Variants in DAB1 observed in about 807,000 individuals in gnomAD.
DAB1 encodes DAB adaptor protein 1.
In DAB1, 15 loss-of-function variants were observed where a neutral mutation model predicts 64.6. That is an observed-to-expected ratio of 0.23 (90% CI 0.16 to 0.36). DAB1 has a LOEUF of 0.36. Among genes scored for constraint, DAB1 ranks in the 10% least tolerant of loss-of-function variants. The pLI, the probability that DAB1 is intolerant of heterozygous loss-of-function variation, is 1.00. For synonymous variants in DAB1, 235 were observed against 251.9 expected (o/e 0.93, Z 0.64); for missense variants, 596 against 706.7 (o/e 0.84, Z 1.78).
At chr1:57,670,801 AT>A in intron 6 of DAB1, among the ~76,000 whole-genome samples, 1 of 152,128 alleles carries the variant, frequency 6.6e-6, no homozygotes, top group Admixed American at 6.6e-5. Context: ...GGGAGAAGAC[AT>A]TTCCAAACAC....
intron 7 of DAB1, among the ~76,000 whole-genome samples, chr1:57,436,255 GT>G (rs1685692222): frequency 6.6e-6 from 1 of 152,102 alleles, no homozygotes; most frequent in African/African-American, 2.4e-5. Context: ...AGCTCAGTAA[GT>G]TTGTTTACAC....
chr1:57,604,288 A>C (rs1202064671), intron 7 of DAB1, among the ~76,000 whole-genome samples: 1 of 152,200 alleles, frequency 6.6e-6, no homozygotes, highest in African/African-American at 2.4e-5. Flanking sequence ...AACCGAAAAT[A>C]AGTTATCTGT....
At chr1:58,076,892 G>C (rs1056709658) in intron 5 of DAB1, among the ~76,000 whole-genome samples, 2 of 152,164 alleles carry the variant, frequency 1.3e-5, no homozygotes, top group Non-Finnish European at 2.9e-5. Flanking sequence ...GATGTTCATG[G>C]AATGAAGCTG....
chr1:57,960,578 T>C (rs1172238406), intron 5 of DAB1, among the ~76,000 whole-genome samples: 1 of 152,156 alleles, frequency 6.6e-6, no homozygotes, highest in East Asian at 1.9e-4. Context: ...ACGTTAATAC[T>C]ATTTTTATTC....
At chr1:57,426,316 G>C (rs74669038), upstream of DAB1, among the ~76,000 whole-genome samples, 66 of 152,202 alleles carry the variant, frequency 4.3e-4, no homozygotes, top group South Asian at 1.2e-3. Flanking sequence ...ACGGAAACTG[G>C]GCAAATTTCC....
chr1:57,404,543 A>G (rs17459384), intron 1 of DAB1, among the ~76,000 whole-genome samples: 33,313 of 152,154 alleles, frequency 0.22, 4,606 homozygotes, highest in Non-Finnish European at 0.32. Flanking sequence ...AAAAATATGA[A>G]AAGCAATTGC....
chr1:57,654,285 A>G (rs1484781957), intron 6 of DAB1, among the ~76,000 whole-genome samples: 3 of 152,164 alleles, frequency 2.0e-5, no homozygotes, highest in African/African-American at 4.8e-5. Flanking sequence ...CCATGGAAAA[A>G]CTGGAAGCAG....
At chr1:58,386,153 C>T (rs911228370) in intron 3 of DAB1, among the ~76,000 whole-genome samples, 1 of 152,186 alleles carries the variant, frequency 6.6e-6, no homozygotes. Context: ...AAAGGTGTTG[C>T]TCTAATATCC....
chr1:57,204,441 G>C (rs1314161310), intron 2 of DAB1, among the ~76,000 whole-genome samples: 1 of 131,924 alleles, frequency 7.6e-6, no homozygotes, highest in Admixed American at 8.3e-5. Flanking sequence ...TAAAAACACT[G>C]GTCTAGATTT....
intron 6 of DAB1, among the ~76,000 whole-genome samples, chr1:57,683,673 C>T (rs767461180): frequency 2.0e-5 from 3 of 152,110 alleles, no homozygotes; most frequent in Non-Finnish European, 4.4e-5. Context: ...CAGCGCTCTA[C>T]CAAGATGAAA....
chr1:57,570,070 G>A (rs1223115307), intron 7 of DAB1, among the ~76,000 whole-genome samples: 1 of 152,126 alleles, frequency 6.6e-6, no homozygotes, highest in Non-Finnish European at 1.5e-5. Context: ...TATTTATCCT[G>A]GGTGTATCTG....
At chr1:58,066,556 C>A (rs80244421) in intron 5 of DAB1, among the ~76,000 whole-genome samples, 1 of 152,076 alleles carries the variant, frequency 6.6e-6, no homozygotes, top group South Asian at 2.1e-4. Flanking sequence ...CACAACCATA[C>A]GAAGTAGGTG....
At chr1:57,759,724 T>A (rs112259966) in intron 6 of DAB1, among the ~76,000 whole-genome samples, 2,087 of 152,234 alleles carry the variant, frequency 0.014, 64 homozygotes, top group African/African-American at 0.048. Context: ...GGGAATAGAC[T>A]AGGCAGAGGT....
intron 7 of DAB1, among the ~76,000 whole-genome samples, chr1:57,436,756 C>T (rs1030642937): frequency 3.3e-5 from 5 of 151,908 alleles, no homozygotes; most frequent in Admixed American, 6.6e-5. Context: ...AGGCTGGGTG[C>T]GGTGGCTCAC....
At chr1:58,134,516 G>C (rs1267746044) in intron 5 of DAB1, among the ~76,000 whole-genome samples, 4 of 147,990 alleles carry the variant, frequency 2.7e-5, no homozygotes, top group African/African-American at 9.9e-5. Flanking sequence ...TAATTTATTT[G>C]AAAAAAAAAA....
At chr1:57,193,874 G>A (rs1664388337) in intron 2 of DAB1, among the ~76,000 whole-genome samples, 1 of 152,222 alleles carries the variant, frequency 6.6e-6, no homozygotes, top group African/African-American at 2.4e-5. Context: ...GCAGTTATTA[G>A]TGATATGGCC....
chr1:58,017,356 AG>A (rs144417679), intron 5 of DAB1, among the ~76,000 whole-genome samples: 2,579 of 152,268 alleles, frequency 0.017, 45 homozygotes, highest in African/African-American at 0.04. Context: ...ACCTGTGCCC[AG>A]GCAGGGCTTT....
intron 4 of DAB1, among the ~76,000 whole-genome samples, chr1:58,180,263 TTTTC>T: frequency 1.4e-5 from 2 of 144,108 alleles, no homozygotes; most frequent in East Asian, 4.0e-4. Context: ...GATCTTTCTT[TTTTC>T]TTTTTTTTCT....
Position 58,065,020 on chromosome 1 carries a change from A to G in DAB1, n.387+85491T>C, listed in dbSNP as rs141436275. Among the ~76,000 whole-genome samples the G allele has an allele frequency of 4.1e-4, 63 of 152,286 alleles. 1 individual carries two copies. The highest frequency in any genetic ancestry group is 7.3e-4 in the Non-Finnish European group (50 of 68,036). On this transcript the variant is annotated intron_variant and non_coding_transcript_variant, in intron 5 of 20. Coordinates refer to the DAB1 transcript ENST00000485760. ...CCACCGCGCCCGGCCAACAATAGATAAATTTGCTGAGGGCTTATTCTGAGT... is the reference window on the plus strand; with the variant it reads ...CCACCGCGCCCGGCCAACAATAGATGAATTTGCTGAGGGCTTATTCTGAGT...
Sources: gnomAD v4.1 joint callset for allele counts (sites outside exome capture counted in the v4.1 genomes callset) on GRCh38, gnomAD v4.1.1 for gene constraint, MANE v1.5 for transcripts, NCBI Gene and HGNC (gene_info 2026-07-23, HGNC 2026-07-21) for gene names.